SLC24A4: variants seen among roughly 807,000 people sequenced by gnomAD.
SLC24A4 encodes solute carrier family 24 member 4.
In SLC24A4, 53 loss-of-function variants were observed where a neutral mutation model predicts 79.0. The ratio of observed to expected loss-of-function variants is 0.67; its 90% confidence interval spans 0.54 to 0.84. SLC24A4 has a LOEUF of 0.84. Among genes scored for constraint, SLC24A4 ranks in the 40% least tolerant of loss-of-function variants. The pLI is 0.00. For synonymous variants in SLC24A4, 323 were observed against 323.8 expected (o/e 1.00, Z 0.03); for missense variants, 731 against 822.0 (o/e 0.89, Z 1.35).
intron 6 of SLC24A4, 91 bp from the exon 7 acceptor site, chr14:92,443,309 G>A (rs1367575738): frequency 1.7e-6 from 2 of 1,193,582 alleles, no homozygotes; most frequent in Non-Finnish European, 2.5e-6. Context: ...CTGTGGGCAT[G>A]CCCTGCACTG....
At chr14:92,444,091 G>A (rs1892654031) in intron 7 of SLC24A4, among the ~76,000 whole-genome samples, 1 of 152,070 alleles carries the variant, frequency 6.6e-6, no homozygotes, top group African/African-American at 2.4e-5. Flanking sequence ...CGCAGTGGGA[G>A]CATGGGGACC....
chr14:92,433,547 C>T (rs1424193363), intron 2 of SLC24A4, among the ~76,000 whole-genome samples: 2 of 152,208 alleles, frequency 1.3e-5, no homozygotes, highest in African/African-American at 4.8e-5. Context: ...TACCATTTTA[C>T]ATTTCCACCA....
At chr14:92,444,944 C>T (rs1391922594) in intron 7 of SLC24A4, among the ~76,000 whole-genome samples, 2 of 144,688 alleles carry the variant, frequency 1.4e-5, no homozygotes, top group African/African-American at 5.7e-5. Context: ...CACACACACA[C>T]ACACACACAC....
At chr14:92,459,629 C>T (rs1227028767) in intron 12 of SLC24A4, among the ~76,000 whole-genome samples, 1 of 152,158 alleles carries the variant, frequency 6.6e-6, no homozygotes, top group African/African-American at 2.4e-5. Context: ...CTCCTTTGTG[C>T]GTCTGCGGAT....
rs1892034234 is a variant in SLC24A4, at chr14:92,434,073, G to A, written c.318+85G>A. ...CGGGGCAGAGCCGTGGCGTGTCTGA[G>A]ATCTTTTATTCTTGTAACAGCCCAG... On this transcript the variant is annotated intron_variant, in intron 3 of 16. Transcript: ENST00000532405. 4 of 1,065,566 alleles carry A rather than the reference G, an allele frequency of 3.8e-6. No homozygotes were observed. The African/African-American group carries it at 4.7e-5, about 12-fold the overall frequency. 66.0% of individuals were successfully genotyped at this position (1,065,566 alleles called of 1,614,324 possible).
intron 12 of SLC24A4, among the ~76,000 whole-genome samples, chr14:92,475,439 G>T (rs957507083): frequency 2.6e-5 from 4 of 152,234 alleles, no homozygotes; most frequent in African/African-American, 4.8e-5. Flanking sequence ...GTCAGGAGAG[G>T]TAGAGATGGT....
intron 2 of SLC24A4, among the ~76,000 whole-genome samples, chr14:92,370,759 C>A (rs897014248): frequency 9.9e-5 from 15 of 152,280 alleles, no homozygotes; most frequent in African/African-American, 2.6e-4. Context: ...AAGTCCTCAG[C>A]AAATTGGATG....
rs534937516 is a variant in SLC24A4 at position 92,438,840 on chromosome 14, A to G, written c.319-495A>G. ...GCCACTGGTGATCAATTCAACCTCC[A>G]GCCCCTCTCTCCTCCCTGGAGGTTG... is the stretch of plus-strand genomic sequence containing the variant. On this transcript the variant is annotated intron_variant, in intron 3 of 16. Transcript: ENST00000532405. Among the ~76,000 whole-genome samples the G allele has an allele frequency of 2.0e-4, 31 of 152,234 alleles. No individual in the cohort carries two copies. The South Asian group carries it at 5.8e-3, about 29-fold the overall frequency.
intron 2 of SLC24A4, among the ~76,000 whole-genome samples, chr14:92,369,904 G>A (rs1221716554): frequency 6.6e-6 from 1 of 152,216 alleles, no homozygotes; most frequent in East Asian, 1.9e-4. Flanking sequence ...TTGGTACAGA[G>A]GAGAATATTC....
chr14:92,366,285 G>A (rs1170665774), intron 2 of SLC24A4, among the ~76,000 whole-genome samples: 2 of 152,208 alleles, frequency 1.3e-5, no homozygotes, highest in African/African-American at 4.8e-5. Context: ...TCCTGCTGGT[G>A]TACCAAGACC....
chr14:92,460,546 C>G (rs182420566), intron 12 of SLC24A4, among the ~76,000 whole-genome samples: 2 of 152,298 alleles, frequency 1.3e-5, no homozygotes, highest in Admixed American at 1.3e-4. Flanking sequence ...GTGTACCAGG[C>G]ACCTGTTATG....
rs575973289 is a variant in SLC24A4, at chr14:92,419,135, C to A, written c.242-14777C>A. On this transcript the variant is annotated intron_variant, in intron 2 of 16. Coordinates refer to ENST00000532405, the MANE Select transcript of SLC24A4 (RefSeq NM_153646.4). ...CATCTATAAAATACCTTCACAGCAACCCCTGGATTTATGTTTGATTAAATA... is the reference window on the plus strand; with the variant it reads ...CATCTATAAAATACCTTCACAGCAAACCCTGGATTTATGTTTGATTAAATA... Among the ~76,000 whole-genome samples, 5 of 152,296 alleles carry A rather than the reference C, an allele frequency of 3.3e-5. No individual in the cohort carries two copies. The South Asian group carries it at 1.0e-3, about 32-fold the overall frequency.
chr14:92,365,523 G>A (rs1214304047), intron 2 of SLC24A4, among the ~76,000 whole-genome samples: 3 of 152,222 alleles, frequency 2.0e-5, no homozygotes. Flanking sequence ...AGGAAGACCA[G>A]GAGGAGCCCC....
At chr14:92,430,815 C>G (rs1243796698) in intron 2 of SLC24A4, among the ~76,000 whole-genome samples, 1 of 152,216 alleles carries the variant, frequency 6.6e-6, no homozygotes, top group Non-Finnish European at 1.5e-5. Flanking sequence ...CTTCCCTCCT[C>G]CCTCCACCTT....
chr14:92,445,628 A>G (rs994958157), intron 8 of SLC24A4, among the ~76,000 whole-genome samples: 1 of 152,206 alleles, frequency 6.6e-6, no homozygotes, highest in Non-Finnish European at 1.5e-5. Flanking sequence ...TGCATAGGCC[A>G]ATATGGAATG....
At chr14:92,352,075 T>A (rs1291247270) in intron 2 of SLC24A4, among the ~76,000 whole-genome samples, 2 of 152,132 alleles carry the variant, frequency 1.3e-5, no homozygotes, top group African/African-American at 4.8e-5. Context: ...TTTGAGCCCC[T>A]GCTGTTCCAT....
intron 12 of SLC24A4, among the ~76,000 whole-genome samples, chr14:92,463,131 T>G (rs1186111162): frequency 6.6e-6 from 1 of 152,316 alleles, no homozygotes; most frequent in East Asian, 1.9e-4. Flanking sequence ...TCTGTTATTA[T>G]AGCAAAACCC....
At chr14:92,346,540 C>T (rs1325307846) in intron 2 of SLC24A4, among the ~76,000 whole-genome samples, 1 of 152,166 alleles carries the variant, frequency 6.6e-6, no homozygotes, top group African/African-American at 2.4e-5. Context: ...AGGGATAGAT[C>T]ATTGTTGTAA....
intron 2 of SLC24A4, among the ~76,000 whole-genome samples, chr14:92,377,362 G>A (rs989247790): frequency 5.3e-5 from 8 of 152,226 alleles, no homozygotes; most frequent in African/African-American, 1.7e-4. Flanking sequence ...AGTGCCTAGA[G>A]CATGAGGGAA....
Sources: gnomAD v4.1 joint callset for allele counts (sites outside exome capture counted in the v4.1 genomes callset) on GRCh38, gnomAD v4.1.1 for gene constraint, MANE v1.5 for transcripts, NCBI Gene and HGNC (gene_info 2026-07-23, HGNC 2026-07-21) for gene names.